The following SHANK2 variants were observed in gnomAD, a reference collection of about 807,000 sequenced individuals.
SHANK2 encodes the protein SH3 and multiple ankyrin repeat domains 2, also known as SH3 and multiple ankyrin repeat domains protein 2.
In SHANK2, 43 loss-of-function variants were observed where a neutral mutation model predicts 133.7. The ratio of observed to expected loss-of-function variants is 0.32; its 90% CI spans 0.25 to 0.41. The LOEUF (loss-of-function observed/expected upper bound fraction) is 0.41, where lower values mean the gene tolerates loss of function less well. Among genes scored for constraint, SHANK2 ranks in the 10% least tolerant of loss-of-function variants. The pLI, the probability that SHANK2 is intolerant of heterozygous loss-of-function variation, is 1.00. For missense variants in SHANK2, 1,994 were observed against 2,235.8 expected (o/e 0.89, Z 2.18); for synonymous variants, 1,017 against 952.8 (o/e 1.07, Z -1.24).
intron 10 of SHANK2, among the ~76,000 whole-genome samples, chr11:70,940,600 G>A (rs1243702078): frequency 2.6e-5 from 4 of 151,802 alleles, no homozygotes; most frequent in Non-Finnish European, 4.4e-5. Context: ...CCATTACCCA[G>A]TGCCCCTCCT....
intron 14 of SHANK2, among the ~76,000 whole-genome samples, chr11:70,781,583 T>TA (rs1947496772): frequency 2.2e-4 from 28 of 128,120 alleles, no homozygotes; most frequent in South Asian, 5.0e-4. Flanking sequence ...TATATATATA[T>TA]TTACTTATTT....
At chr11:71,088,026 G>T (rs944459900) in intron 8 of SHANK2, among the ~76,000 whole-genome samples, 1 of 152,116 alleles carries the variant, frequency 6.6e-6, no homozygotes, top group Admixed American at 6.6e-5. Flanking sequence ...TTCCTTGGGC[G>T]CTCCTGTCTT....
At chr11:70,534,898 C>T (rs1412731303) in intron 17 of SHANK2, among the ~76,000 whole-genome samples, 1 of 151,974 alleles carries the variant, frequency 6.6e-6, no homozygotes, top group Non-Finnish European at 1.5e-5. Flanking sequence ...GAAGCTGCTT[C>T]GGCCCAACAG....
At chr11:70,810,227 CG>C (rs1231138481) in intron 12 of SHANK2, among the ~76,000 whole-genome samples, 2 of 152,202 alleles carry the variant, frequency 1.3e-5, no homozygotes, top group African/African-American at 2.4e-5. Context: ...AGCTGATGAA[CG>C]CAACAGCAGC....
intron 14 of SHANK2, among the ~76,000 whole-genome samples, chr11:70,728,382 G>A (rs1031777542): frequency 4.6e-5 from 7 of 152,302 alleles, no homozygotes; most frequent in African/African-American, 7.2e-5. Flanking sequence ...GGTCACACTC[G>A]GTTTACTTGG....
At chr11:70,848,314 G>A (rs1202709680) in intron 11 of SHANK2, among the ~76,000 whole-genome samples, 2 of 152,156 alleles carry the variant, frequency 1.3e-5, no homozygotes, top group Non-Finnish European at 2.9e-5. Context: ...CCCGTGAGCC[G>A]CCAGGAATTG....
chr11:71,094,826 T>C, intron 6 of SHANK2, 138 bp from the exon 7 acceptor site: 1 of 976,466 alleles, frequency 1.0e-6, no homozygotes, highest in Non-Finnish European at 1.5e-6. Flanking sequence ...TCCCACCACC[T>C]GGGAACCCCA....
intron 11 of SHANK2, among the ~76,000 whole-genome samples, chr11:70,875,855 CA>C (rs869042517): frequency 0.02 from 1,900 of 94,894 alleles, 25 homozygotes; most frequent in African/African-American, 0.05. Flanking sequence ...GACACTGTTT[CA>C]AAAAAAAAAA....
chr11:71,076,403 C>T (rs1261557723), intron 8 of SHANK2, among the ~76,000 whole-genome samples: 22 of 151,038 alleles, frequency 1.5e-4, no homozygotes, highest in African/African-American at 4.6e-4. Context: ...TCAGGGTCCA[C>T]GAGAAAGAGC....
Position 70,486,666 on chromosome 11 carries a change from C to T in SHANK2, c.3627G>A (p.Leu1209=). 6.2e-7 allele frequency: 1 copy of T among 1,611,880 alleles called. No homozygotes were observed. Among genetic ancestry groups the T allele is most frequent in the Non-Finnish European group, 8.5e-7 (1 of 1,180,000 alleles). Residue 1209 remains leucine (L), a synonymous_variant, in exon 25 of 26, where the codon CTG becomes CTA. Transcript: ENST00000601538. This position sits in a 1 kb window ranked among gnomAD's most constrained non-coding sequence, Gnocchi z 8.0. ...GNYVHPLTGR[L]LDPSSPLALA... is the part of the protein sequence containing the mutation. Reference sequence around the variant, plus strand: ...GGGCCAGCGGGGAGCTGGGATCAAGCAGCCGCCCTGTGAGTGGGTGGACAT... The same window carrying T: ...GGGCCAGCGGGGAGCTGGGATCAAGTAGCCGCCCTGTGAGTGGGTGGACAT...
intron 17 of SHANK2, among the ~76,000 whole-genome samples, chr11:70,575,264 T>C (rs1471352373): frequency 6.6e-6 from 1 of 151,942 alleles, no homozygotes; most frequent in Non-Finnish European, 1.5e-5. Flanking sequence ...GTAATCCCAG[T>C]ACTTTGGGAG....
chr11:71,251,439 G>A (rs1948176960), intron 1 of SHANK2, among the ~76,000 whole-genome samples: 4 of 152,086 alleles, frequency 2.6e-5, no homozygotes, highest in Admixed American at 2.6e-4. Flanking sequence ...GGCGGCTCCA[G>A]CCCAAGTGAC....
At chr11:70,489,537 C>G (rs531029099) in intron 23 of SHANK2, 189 bp from the exon 24 acceptor site, 1 of 658,198 alleles carries the variant, frequency 1.5e-6, no homozygotes, top group South Asian at 1.7e-5. Context: ...GCACAGCAGC[C>G]CAGAGGCATT....
intron 17 of SHANK2, among the ~76,000 whole-genome samples, chr11:70,533,121 G>C (rs576581505): frequency 6.6e-6 from 1 of 152,208 alleles, no homozygotes; most frequent in African/African-American, 2.4e-5. Context: ...CCTTGGGGAC[G>C]GGGTTTCCTT....
chr11:70,573,543 T>TG (rs2060075832), intron 17 of SHANK2, among the ~76,000 whole-genome samples: 1 of 8,010 alleles, frequency 1.2e-4, no homozygotes, highest in Non-Finnish European at 3.1e-4. Flanking sequence ...TCTGTGTGTG[T>TG]GGGGGCGGGG....
At chr11:70,883,189 T>C (rs1949683824) in intron 11 of SHANK2, among the ~76,000 whole-genome samples, 1 of 152,062 alleles carries the variant, frequency 6.6e-6, no homozygotes, top group South Asian at 2.1e-4. Flanking sequence ...GGGCTGTCAT[T>C]AGGATTGAGC....
At chr11:70,921,495 G>A (rs1590835263) in intron 10 of SHANK2, among the ~76,000 whole-genome samples, 1 of 152,270 alleles carries the variant, frequency 6.6e-6, no homozygotes, top group Non-Finnish European at 1.5e-5. Flanking sequence ...TGGGCTAGAG[G>A]AAGGAGTAGA....
At chr11:71,141,506 T>A (rs1565475110) in intron 3 of SHANK2, among the ~76,000 whole-genome samples, 1 of 152,030 alleles carries the variant, frequency 6.6e-6, no homozygotes, top group African/African-American at 2.4e-5. Context: ...AGACTCTTTC[T>A]CAAACAAACA....
At chr11:70,726,499 C>T (rs781977494) in intron 14 of SHANK2, among the ~76,000 whole-genome samples, 1 of 152,108 alleles carries the variant, frequency 6.6e-6, no homozygotes, top group South Asian at 2.1e-4. Context: ...ATAAATTAGA[C>T]CCCCTTGGGA....
Sources: allele counts gnomAD v4.1 joint callset (sites outside exome capture counted in the v4.1 genomes callset), GRCh38; gene constraint gnomAD v4.1.1; non-coding constraint Gnocchi (gnomAD v3.1); transcripts MANE v1.5; gene names NCBI Gene and HGNC (gene_info 2026-07-23, HGNC 2026-07-21).